The following LOC400499 variants were observed in gnomAD, a reference collection of about 807,000 sequenced individuals.
At chr16:11,491,289 T>G in the LOC400499 span, among the ~76,000 whole-genome samples, 1 of 152,202 alleles carries the variant, frequency 6.6e-6, no homozygotes, top group Admixed American at 6.5e-5. Context: ...TTCAGGTGCC[T>G]GTATAAAGGG....
chr16:11,387,613 G>A, the LOC400499 span, among the ~76,000 whole-genome samples: 139 of 149,382 alleles, frequency 9.3e-4, no homozygotes, highest in Non-Finnish European at 1.8e-3. Context: ...GGGATGCCGA[G>A]GACAGGAGCT....
the LOC400499 span, among the ~76,000 whole-genome samples, chr16:11,505,432 T>C: frequency 6.7e-6 from 1 of 148,550 alleles, no homozygotes; most frequent in Non-Finnish European, 1.5e-5. Context: ...TTGATTTTTT[T>C]AATTTTTCTT....
chr16:11,466,502 C>T, the LOC400499 span, among the ~76,000 whole-genome samples: 2 of 152,062 alleles, frequency 1.3e-5, no homozygotes, highest in Non-Finnish European at 2.9e-5. Flanking sequence ...AATTCTCCTG[C>T]CTCAGCCTCC....
chr16:11,482,453 A>G, the LOC400499 span, among the ~76,000 whole-genome samples: 1 of 152,256 alleles, frequency 6.6e-6, no homozygotes, highest in Non-Finnish European at 1.5e-5. Flanking sequence ...TGTAACAGTC[A>G]AAGCTCTATC....
chr16:11,486,200 T>C, the LOC400499 span, among the ~76,000 whole-genome samples: 2 of 114,260 alleles, frequency 1.8e-5, no homozygotes, highest in African/African-American at 7.0e-5. Context: ...GATGGGTGGG[T>C]GGATGAATGG....
At chr16:11,458,279 G>A in the LOC400499 span, among the ~76,000 whole-genome samples, 3 of 152,196 alleles carry the variant, frequency 2.0e-5, no homozygotes, top group African/African-American at 4.8e-5. Context: ...CCCAGAGGCA[G>A]AAGTTGTAGT....
chr16:11,525,277 G>A, the LOC400499 span, among the ~76,000 whole-genome samples: 1 of 142,146 alleles, frequency 7.0e-6, no homozygotes, highest in Non-Finnish European at 1.5e-5. Context: ...GGGTAGCAGA[G>A]TTAAGACCTT....
the LOC400499 span, among the ~76,000 whole-genome samples, chr16:11,464,069 G>A: frequency 2.0e-5 from 3 of 152,204 alleles, no homozygotes; most frequent in Non-Finnish European, 4.4e-5. Context: ...CATGTGTACA[G>A]ATATGTGTGT....
chr16:11,491,648 C>A, the LOC400499 span: 1 of 369,116 alleles, frequency 2.7e-6, no homozygotes, highest in South Asian at 1.4e-4. Flanking sequence ...AGGAGGTGCC[C>A]TCCCAGCCCC....
At chr16:11,399,677 G>A in the LOC400499 span, 12 of 398,684 alleles carry the variant, frequency 3.0e-5, no homozygotes, top group South Asian at 7.6e-4. Context: ...CCCCTCACTC[G>A]GTGCAGCGGT....
At chr16:11,427,790 C>T in the LOC400499 span, among the ~76,000 whole-genome samples, 2 of 151,932 alleles carry the variant, frequency 1.3e-5, no homozygotes, top group East Asian at 1.9e-4. Context: ...ATCAGAGGAA[C>T]GAAGAAAGGG....
the LOC400499 span, among the ~76,000 whole-genome samples, chr16:11,375,732 ATTTTTTTT>A: frequency 7.7e-6 from 1 of 130,660 alleles, no homozygotes; most frequent in Admixed American, 8.0e-5. Context: ...TCCTTTGTAC[ATTTTTTTT>A]TTTTTTTGAG....
At chr16:11,396,314 A>T in the LOC400499 span, 1 of 449,258 alleles carries the variant, frequency 2.2e-6, no homozygotes, top group Non-Finnish European at 3.6e-6. Context: ...CGCCAGGGCC[A>T]GGCCTGGGGT....
At chr16:11,495,670 G>A in the LOC400499 span, among the ~76,000 whole-genome samples, 7 of 152,028 alleles carry the variant, frequency 4.6e-5, no homozygotes, top group Non-Finnish European at 7.4e-5. Flanking sequence ...ATGAGCCACC[G>A]TGCCTAGTCT....
At chr16:11,377,600 A>G in the LOC400499 span, among the ~76,000 whole-genome samples, 48 of 152,320 alleles carry the variant, frequency 3.2e-4, no homozygotes, top group African/African-American at 1.1e-3. Flanking sequence ...TGTTAATGTG[A>G]TATCTTACAT....
chr16:11,401,523 C>G, the LOC400499 span: 1 of 398,488 alleles, frequency 2.5e-6, no homozygotes, highest in Admixed American at 4.4e-5. Context: ...AGGTGGCTTT[C>G]AGCACAAAAC....
At chr16:11,372,692 G>A in the LOC400499 span, 3 of 945,030 alleles carry the variant, frequency 3.2e-6, no homozygotes, top group Non-Finnish European at 3.8e-6. Context: ...GAAGGTGAAG[G>A]AGTTTGAAGT....
At chr16:11,460,412 C>A in the LOC400499 span, 1 of 1,458,866 alleles carries the variant, frequency 6.9e-7, no homozygotes, top group African/African-American at 1.4e-5. Flanking sequence ...GTTCAGGGTA[C>A]TCAGATCACC....
the LOC400499 span, among the ~76,000 whole-genome samples, chr16:11,403,892 G>A: frequency 1.3e-5 from 2 of 152,160 alleles, no homozygotes; most frequent in Non-Finnish European, 1.5e-5. Context: ...CTGCCCGGCT[G>A]CACTCAGGAT....
Sources: allele counts gnomAD v4.1 joint callset (sites outside exome capture counted in the v4.1 genomes callset), GRCh38; gene constraint gnomAD v4.1.1; transcripts MANE v1.5.